Variants in TMPRSS15 observed in about 807,000 individuals in gnomAD.
TMPRSS15 encodes the protein enteropeptidase.
TMPRSS15 carries 128 observed loss-of-function variants against 125.3 expected under a neutral mutation model. The observed-to-expected ratio is 1.02, with a 90% CI of 0.89 to 1.18. The LOEUF (loss-of-function observed/expected upper bound fraction) is 1.18. Among genes scored for constraint, TMPRSS15 ranks in the 50% most tolerant of loss-of-function variants. The pLI is 0.00. For missense variants in TMPRSS15, 1,283 were observed against 1,212.7 expected (o/e 1.06, Z -0.86); for synonymous variants, 446 against 423.2 (o/e 1.05, Z -0.66).
chr21:18,424,021 G>A (rs1030043985), intron 1 of TMPRSS15, among the ~76,000 whole-genome samples: 1 of 152,080 alleles, frequency 6.6e-6, no homozygotes, highest in African/African-American at 2.4e-5. Context: ...AGAAAGAGAA[G>A]TTTCAGCCTG....
At position 18,403,637 on chromosome 21, in the gene TMPRSS15, G is replaced by T. The variant is rs757924116; in HGVS notation, c.-15C>A. On this transcript the variant is annotated 5_prime_UTR_variant, in exon 1 of 25. Coordinates refer to ENST00000284885, the MANE Select transcript of TMPRSS15 (RefSeq NM_002772.3). ...TTCGACCCCATTTTTGGTTTTGAAG[G>T]CTTGCTAATTTAAGAACTGAAAGAG... 8.1e-6 allele frequency: 13 copies of T among 1,613,974 alleles called. No homozygotes were observed. In the South Asian group the frequency reaches 1.2e-4, roughly 15 times the overall value.
chr21:18,421,094 G>T (rs548499960), intron 1 of TMPRSS15, among the ~76,000 whole-genome samples: 70 of 152,186 alleles, frequency 4.6e-4, no homozygotes, highest in African/African-American at 1.6e-3. Flanking sequence ...ATGACACGGA[G>T]GACTATATCA....
At chr21:18,474,811 T>A (rs1012940759) in intron 1 of TMPRSS15, among the ~76,000 whole-genome samples, 1 of 152,202 alleles carries the variant, frequency 6.6e-6, no homozygotes, top group Non-Finnish European at 1.5e-5. Flanking sequence ...ATTATCCTAG[T>A]CTGACTGAGG....
upstream of TMPRSS15, among the ~76,000 whole-genome samples, chr21:18,406,313 T>C (rs2076151836): frequency 6.6e-6 from 1 of 152,192 alleles, no homozygotes; most frequent in Non-Finnish European, 1.5e-5. Flanking sequence ...GGTTAGCTTC[T>C]GGGACGTCAA....
chr21:18,349,836 T>C (rs920330422), intron 10 of TMPRSS15, among the ~76,000 whole-genome samples: 1 of 152,180 alleles, frequency 6.6e-6, no homozygotes, highest in East Asian at 1.9e-4. Flanking sequence ...CAGTTTCATC[T>C]TATTTCCTTA....
At chr21:18,476,338 G>T (rs772098135) in intron 1 of TMPRSS15, among the ~76,000 whole-genome samples, 3 of 151,954 alleles carry the variant, frequency 2.0e-5, no homozygotes, top group Non-Finnish European at 4.4e-5. Context: ...TGCAACCCTA[G>T]ATTTTTTCCC....
rs62215017 is a variant in TMPRSS15, at chr21:18,420,511, G to C, written c.11-22182C>G. 1.5e-3 allele frequency among the ~76,000 whole-genome samples: 221 copies of C among 152,310 alleles called. 3 individuals are homozygous for C. The highest frequency in any genetic ancestry group is 1.7e-3 in the Non-Finnish European group (119 of 68,026). ...AACCACTAGCCATACCTTGGATTTA[G>C]TAAAACCTGCATGTTACCTAAAACA... On this transcript the variant is annotated intron_variant, in intron 1 of 7. Coordinates refer to the TMPRSS15 transcript ENST00000422787.
At chr21:18,376,514 T>G (rs1357698873) in intron 5 of TMPRSS15, among the ~76,000 whole-genome samples, 1 of 152,152 alleles carries the variant, frequency 6.6e-6, no homozygotes, top group Non-Finnish European at 1.5e-5. Flanking sequence ...CCAGTTATTC[T>G]TTTCCTCCAA....
intron 1 of TMPRSS15, among the ~76,000 whole-genome samples, chr21:18,467,946 AGAG>A (rs1978700107): frequency 6.6e-6 from 1 of 152,122 alleles, no homozygotes; most frequent in Non-Finnish European, 1.5e-5. Flanking sequence ...TTAAAACAGA[AGAG>A]AAAAAGAAAG....
chr21:18,367,123 A>G (rs926633958), intron 6 of TMPRSS15, among the ~76,000 whole-genome samples: 3 of 152,126 alleles, frequency 2.0e-5, no homozygotes, highest in African/African-American at 7.2e-5. Context: ...GAATTAATTC[A>G]TTAGCTTATG....
chr21:18,308,776 G>A (rs762751854), intron 18 of TMPRSS15, among the ~76,000 whole-genome samples: 6 of 152,138 alleles, frequency 3.9e-5, no homozygotes, highest in Admixed American at 1.3e-4. Context: ...GGTGTGTGAT[G>A]TTCCCCTCCT....
intron 1 of TMPRSS15, among the ~76,000 whole-genome samples, chr21:18,470,099 T>C (rs61427823): frequency 0.093 from 14,144 of 152,020 alleles, 1,578 homozygotes; most frequent in African/African-American, 0.27. Flanking sequence ...GAGTCATGAA[T>C]ACTATAGAGT....
chr21:18,445,162 A>G (rs1444020868), intron 1 of TMPRSS15, among the ~76,000 whole-genome samples: 2 of 151,534 alleles, frequency 1.3e-5, no homozygotes, highest in African/African-American at 4.9e-5. Flanking sequence ...ATATATATAT[A>G]TACCCCATTT....
intron 8 of TMPRSS15, among the ~76,000 whole-genome samples, chr21:18,355,519 A>C (rs770310338): frequency 6.6e-6 from 1 of 151,800 alleles, no homozygotes; most frequent in Non-Finnish European, 1.5e-5. Flanking sequence ...TCCTTGCCTA[A>C]TAAGAGTCCC....
At chr21:18,287,119 T>A (rs2074774194) in intron 21 of TMPRSS15, among the ~76,000 whole-genome samples, 1 of 152,234 alleles carries the variant, frequency 6.6e-6, no homozygotes, top group Non-Finnish European at 1.5e-5. Context: ...TAAATGTTTT[T>A]CAGCCTTAAC....
intron 1 of TMPRSS15, 21 bp from the exon 2 acceptor site, chr21:18,398,350 A>C (rs773803807): frequency 6.2e-7 from 1 of 1,612,572 alleles, no homozygotes; most frequent in East Asian, 2.2e-5. Context: ...TAATAAGGAA[A>C]AAACACTAAG....
At position 18,393,670 on chromosome 21, in the gene TMPRSS15, A is replaced by G. The variant is rs1232002690; in HGVS notation, c.344+4209T>C. Among the ~76,000 whole-genome samples the G allele has an allele frequency of 2.6e-5, 4 of 152,184 alleles. No homozygotes were observed. The East Asian group carries it at 7.7e-4, about 29-fold the overall frequency. On this transcript the variant is annotated intron_variant, in intron 3 of 24. Transcript: ENST00000284885. ...TTAGTAAAAATTTCTTGACTCTGTC[A>G]TATCTCCCCAACAATATTTTAAATT... is the stretch of plus-strand genomic sequence containing the variant.
chr21:18,308,016 A>G (rs537957975), intron 18 of TMPRSS15, among the ~76,000 whole-genome samples: 52 of 152,300 alleles, frequency 3.4e-4, no homozygotes, highest in African/African-American at 1.3e-3. Context: ...ACTTGGGCGC[A>G]TCAATTGTGG....
chr21:18,402,790 C>G (rs533394539), intron 1 of TMPRSS15, among the ~76,000 whole-genome samples: 1 of 152,308 alleles, frequency 6.6e-6, no homozygotes, highest in South Asian at 2.1e-4. Flanking sequence ...CTTCTAGTCT[C>G]TGTCTCAGAT....
Sources: allele counts gnomAD v4.1 joint callset (sites outside exome capture counted in the v4.1 genomes callset), GRCh38; gene constraint gnomAD v4.1.1; transcripts MANE v1.5; gene names NCBI Gene and HGNC (gene_info 2026-07-23, HGNC 2026-07-21).